The following NUP37 variants were observed in gnomAD, a reference collection of about 807,000 sequenced individuals.
The protein encoded by NUP37 is nucleoporin 37.
NUP37 carries 33 observed loss-of-function variants against 45.4 expected under a neutral mutation model. The ratio of observed to expected loss-of-function variants is 0.73; its 90% CI spans 0.55 to 0.97. NUP37 has a LOEUF of 0.97. Among genes scored for constraint, NUP37 ranks in the 50% least tolerant of loss-of-function variants. The pLI, the probability that NUP37 is intolerant of heterozygous loss-of-function variation, is 0.00. For missense variants in NUP37, 365 were observed against 389.7 expected (o/e 0.94, Z 0.53); for synonymous variants, 127 against 130.7 (o/e 0.97, Z 0.19).
chr12:102,092,358 G>T, intron 5 of NUP37, among the ~76,000 whole-genome samples: 2 of 152,234 alleles, frequency 1.3e-5, no homozygotes, highest in Non-Finnish European at 2.9e-5. Flanking sequence ...GATTAATTAA[G>T]TAAGAAAGAA....
chr12:102,075,228 T>G, intron 8 of NUP37, 134 bp from the exon 9 acceptor site: 2 of 509,858 alleles, frequency 3.9e-6, no homozygotes, highest in Non-Finnish European at 6.8e-6. Flanking sequence ...CAGGCTGGAG[T>G]GCAGAAGTGC....
chr12:102,075,213 T>C, intron 8 of NUP37, 119 bp from the exon 9 acceptor site: 1 of 578,392 alleles, frequency 1.7e-6, no homozygotes, highest in Non-Finnish European at 2.9e-6. Context: ...TCTTGCTCTG[T>C]CACCCAGGCT....
At chr12:102,101,522 T>G (rs1297150657) in intron 3 of NUP37, among the ~76,000 whole-genome samples, 1 of 152,180 alleles carries the variant, frequency 6.6e-6, no homozygotes, top group African/African-American at 2.4e-5. Context: ...CTTTGCCCTC[T>G]TCTGTTATCC....
rs754526814 is a variant in NUP37 at position 102,112,177 on chromosome 12, T to C, written c.212A>G (p.His71Arg). Residue 71 changes from histidine (H) to arginine (R), a missense_variant, in exon 3 of 10, where the codon CAT (histidine) becomes CGT (arginine). By Grantham distance (29) the His-to-Arg change is conservative. Transcript: ENST00000552283. ...IQYKTLRTFH[H>R]GVRVDGIAWS... ...AGCTATGCCATCAACCCTGACTCCATGGTGAAATGTTCGAAGTGTTTTATA... is the reference window on the plus strand; with the variant it reads ...AGCTATGCCATCAACCCTGACTCCACGGTGAAATGTTCGAAGTGTTTTATA... 4.3e-6 allele frequency: 7 copies of C among 1,613,522 alleles called. No homozygotes were observed. The highest frequency in any genetic ancestry group is 2.2e-5 in the East Asian group (1 of 44,854).
At chr12:102,110,155 AT>A (rs1880268722) in intron 3 of NUP37, among the ~76,000 whole-genome samples, 1 of 152,218 alleles carries the variant, frequency 6.6e-6, no homozygotes, top group Non-Finnish European at 1.5e-5. Context: ...AAGCGTCAGC[AT>A]TATCACTCAT....
chr12:102,119,714 A>G (rs1370969484), intron 1 of NUP37, among the ~76,000 whole-genome samples: 3 of 152,118 alleles, frequency 2.0e-5, no homozygotes, highest in African/African-American at 7.2e-5. Flanking sequence ...ATGGACACGG[A>G]GACAGAGAGG....
At chr12:102,096,910 C>T (rs1879822689) in intron 5 of NUP37, among the ~76,000 whole-genome samples, 1 of 151,718 alleles carries the variant, frequency 6.6e-6, no homozygotes, top group African/African-American at 2.4e-5. Flanking sequence ...GGTTGGTGAA[C>T]TAAGCTGTAA....
chr12:102,085,116 AC>A (rs1354741429), intron 6 of NUP37, among the ~76,000 whole-genome samples: 3 of 152,110 alleles, frequency 2.0e-5, no homozygotes, highest in African/African-American at 7.2e-5. Context: ...AAACAAACAA[AC>A]AAACAAAAAA....
chr12:102,096,008 G>A (rs1879793651), intron 5 of NUP37, among the ~76,000 whole-genome samples: 1 of 152,058 alleles, frequency 6.6e-6, no homozygotes, highest in African/African-American at 2.4e-5. Flanking sequence ...TAAAGAAGAA[G>A]AAAGACTACC....
intron 2 of NUP37, among the ~76,000 whole-genome samples, chr12:102,115,617 C>A (rs144409309): frequency 2.0e-5 from 3 of 152,164 alleles, no homozygotes; most frequent in Admixed American, 2.0e-4. Flanking sequence ...GACAAATACA[C>A]GACACCAGTT....
At chr12:102,104,267 T>C (rs1173438329) in intron 3 of NUP37, among the ~76,000 whole-genome samples, 1 of 152,214 alleles carries the variant, frequency 6.6e-6, no homozygotes, top group East Asian at 1.9e-4. Context: ...TATACCTTCT[T>C]TGGAGAAATG....
At chr12:102,118,244 A>T (rs1880523606) in intron 2 of NUP37, 119 bp downstream of exon 2, 1 of 976,396 alleles carries the variant, frequency 1.0e-6, no homozygotes, top group Non-Finnish European at 1.5e-6. Flanking sequence ...TATGGATCTT[A>T]TCTTTTTTTT....
At chr12:102,085,899 A>C in intron 5 of NUP37, 43 bp from the exon 6 acceptor site, 1 of 926,168 alleles carries the variant, frequency 1.1e-6, no homozygotes, top group South Asian at 1.6e-5. Context: ...TTCTTGATAT[A>C]TCATTACTAA....
chr12:102,081,656 TC>T (rs1044761153), intron 6 of NUP37, among the ~76,000 whole-genome samples: 2 of 152,122 alleles, frequency 1.3e-5, no homozygotes, highest in Non-Finnish European at 2.9e-5. Context: ...CTTAGTACAG[TC>T]CCTGGAAAAT....
intron 3 of NUP37, 89 bp downstream of exon 3, chr12:102,112,019 G>A (rs769336820): frequency 2.4e-6 from 3 of 1,246,454 alleles, no homozygotes; most frequent in Non-Finnish European, 3.4e-6. Context: ...AATGGAAATT[G>A]AGAAAAAAGT....
chr12:102,086,703 G>T (rs1372070635), intron 5 of NUP37, among the ~76,000 whole-genome samples: 2 of 152,128 alleles, frequency 1.3e-5, no homozygotes, highest in Non-Finnish European at 2.9e-5. Flanking sequence ...CTGTTACATT[G>T]CACTGGCACA....
chr12:102,085,436 A>C (rs1156276431), intron 6 of NUP37, among the ~76,000 whole-genome samples: 7 of 152,096 alleles, frequency 4.6e-5, no homozygotes, highest in Non-Finnish European at 1.0e-4. Flanking sequence ...AAACAAAAAC[A>C]AAAACAAAAG....
At chr12:102,109,682 G>C (rs1049719576) in intron 3 of NUP37, among the ~76,000 whole-genome samples, 1 of 152,078 alleles carries the variant, frequency 6.6e-6, no homozygotes, top group Non-Finnish European at 1.5e-5. Flanking sequence ...AAAAGGTCTT[G>C]AGACAGTTTA....
chr12:102,092,891 T>A (rs1479294823), intron 5 of NUP37, among the ~76,000 whole-genome samples: 1 of 152,142 alleles, frequency 6.6e-6, no homozygotes, highest in East Asian at 1.9e-4. Flanking sequence ...ACTTTCAGTG[T>A]GTGTGTCCAA....
Sources: gnomAD v4.1 joint callset for allele counts (sites outside exome capture counted in the v4.1 genomes callset) on GRCh38, gnomAD v4.1.1 for gene constraint, MANE v1.5 for transcripts, NCBI Gene and HGNC (gene_info 2026-07-23, HGNC 2026-07-21) for gene names.